Variants in VPS13D observed in about 807,000 individuals in gnomAD.
VPS13D encodes intermembrane lipid transfer protein VPS13D.
Under a neutral mutation model 461.9 loss-of-function variants are expected in VPS13D, and 187 were observed. The ratio of observed to expected loss-of-function variants is 0.40; its 90% CI spans 0.36 to 0.46. VPS13D has a LOEUF of 0.46. Among genes scored for constraint, VPS13D ranks in the 20% least tolerant of loss-of-function variants. The pLI, the probability that VPS13D is intolerant of heterozygous loss-of-function variation, is 0.60. For missense variants in VPS13D, 4,711 were observed against 5,364.9 expected, an observed-to-expected ratio of 0.88 and a Z score of 3.81; for synonymous variants, 1,951 against 1,986.3, an observed-to-expected ratio of 0.98 and a Z score of 0.47.
At position 12,258,401 on chromosome 1, in the gene VPS13D, G is replaced by T. The variant is rs184525034; in HGVS notation, c.1110+298G>T. Among the ~76,000 whole-genome samples, 131 of 152,268 alleles carry T rather than the reference G, an allele frequency of 8.6e-4. 3 individuals are homozygous for T. The East Asian group carries it at 0.016, about 19-fold the overall frequency. On this transcript the variant is annotated intron_variant, in intron 10 of 69. Coordinates refer to ENST00000620676, the MANE Select transcript of VPS13D (RefSeq NM_015378.4). ...AAGAGACTGTTTCATACAGTCACCC[G>T]CCTCTCTTCAAAGCCTGATCCCAGT... is the stretch of plus-strand genomic sequence containing the variant.
At position 12,282,968 on chromosome 1, in the gene VPS13D, T is replaced by C. The variant is rs993891809; in HGVS notation, c.4866T>C (p.Phe1622=). 2.5e-6 allele frequency: 4 copies of C among 1,614,070 alleles called. No homozygotes were observed. Among genetic ancestry groups the C allele is most frequent in the Non-Finnish European group, 2.5e-6 (3 of 1,180,030 alleles). Reference sequence around the variant, plus strand: ...CCTTTACTCAGATTCAAGCCACCTTTTGTATATCAGAGCTTCAGGTTCAGC... The same window carrying C: ...CCTTTACTCAGATTCAAGCCACCTTCTGTATATCAGAGCTTCAGGTTCAGC... ...VKSFTQIQAT[F]CISELQVQLS... is the part of the protein sequence containing the mutation. The change falls in exon 21 of 70, where the codon TTT becomes TTC. Residue 1622 remains phenylalanine, a synonymous_variant. Transcript: ENST00000620676.
rs536469629 is a variant in VPS13D, at chr1:12,498,362, GGT to G, written c.12794+734_12794+735del. Reference sequence around the variant, plus strand: ...AGCGTGGGGGATTCTGAGTGCTGTGGGTGTTTTTCGGTGGGTGGAGGAATGTC... The same window carrying G: ...AGCGTGGGGGATTCTGAGTGCTGTGGGTTTTTCGGTGGGTGGAGGAATGTC... On this transcript the variant is annotated intron_variant, in intron 68 of 69. Coordinates refer to ENST00000620676, the MANE Select transcript of VPS13D (RefSeq NM_015378.4). Among the ~76,000 whole-genome samples, 3 of 152,258 alleles carry G rather than the reference GGT, an allele frequency of 2.0e-5. No homozygotes were observed. In the South Asian group the frequency reaches 6.2e-4, roughly 32 times the overall value.
intron 21 of VPS13D, among the ~76,000 whole-genome samples, chr1:12,285,168 C>CA (rs1451977121): frequency 3.3e-5 from 5 of 152,130 alleles, no homozygotes; most frequent in Non-Finnish European, 7.4e-5. Context: ...TCAGATACAT[C>CA]ACAGAGAAAC....
intron 60 of VPS13D, among the ~76,000 whole-genome samples, chr1:12,394,593 T>C (rs1334284778): frequency 6.6e-6 from 1 of 152,204 alleles, no homozygotes; most frequent in Non-Finnish European, 1.5e-5. Flanking sequence ...AAGATGCAGG[T>C]GCTGCCCTTA....
Position 12,257,857 on chromosome 1 carries a change from A to G in VPS13D, c.942-78A>G, listed in dbSNP as rs1405394944. 5 of 1,524,760 alleles carry G rather than the reference A, an allele frequency of 3.3e-6. No homozygotes were observed. The African/African-American group carries it at 5.5e-5, about 17-fold the overall frequency. The allele number at this position is 1,524,760 out of a possible 1,614,324, so 94.5% of individuals were successfully genotyped here. On this transcript the variant is annotated intron_variant, in intron 9 of 69. Coordinates refer to ENST00000620676, the MANE Select transcript of VPS13D (RefSeq NM_015378.4). ...GATGTCTCAGGAGAGGAGTGGGGTTATGTGGATTGTCCTGGATTGGTAGCC... is the reference window on the plus strand; with the variant it reads ...GATGTCTCAGGAGAGGAGTGGGGTTGTGTGGATTGTCCTGGATTGGTAGCC...
At chr1:12,335,849 G>GT in intron 39 of VPS13D, 22 bp downstream of exon 39, 1 of 1,613,688 alleles carries the variant, frequency 6.2e-7, no homozygotes, top group Non-Finnish European at 8.5e-7. Context: ...CACTACATGT[G>GT]TTTAACTAAA....
chr1:12,271,231 G>C, intron 17 of VPS13D, 107 bp downstream of exon 17: 1 of 1,378,726 alleles, frequency 7.3e-7, no homozygotes, highest in Non-Finnish European at 1.0e-6. Context: ...CAATTATGCT[G>C]ACTGAGTAAA....
intron 65 of VPS13D, among the ~76,000 whole-genome samples, chr1:12,431,288 A>G (rs922447932): frequency 6.6e-6 from 1 of 152,092 alleles, no homozygotes; most frequent in African/African-American, 2.4e-5. Flanking sequence ...TCTTAACACA[A>G]TCGCTGATAT....
chr1:12,381,912 C>CTTTCTTTTCTTTTCT (rs200150692), intron 57 of VPS13D, among the ~76,000 whole-genome samples: 4 of 111,920 alleles, frequency 3.6e-5, no homozygotes, highest in Admixed American at 9.7e-5. Flanking sequence ...TTTTCTTTTT[C>CTTTCTTTTCTTTTCT]TTTCTTTTCT....
intron 63 of VPS13D, among the ~76,000 whole-genome samples, chr1:12,407,752 C>T (rs1570112207): frequency 6.6e-6 from 1 of 152,190 alleles, no homozygotes; most frequent in South Asian, 2.1e-4. Flanking sequence ...AGACCAAGCA[C>T]CTTAGTCATT....
chr1:12,250,699 A>C (rs1640706267), intron 6 of VPS13D, among the ~76,000 whole-genome samples: 1 of 152,256 alleles, frequency 6.6e-6, no homozygotes. Flanking sequence ...TAATAACCCT[A>C]CTGAGGACAC....
chr1:12,326,809 A>G (rs1056243321), intron 35 of VPS13D, among the ~76,000 whole-genome samples: 2 of 151,780 alleles, frequency 1.3e-5, no homozygotes, highest in African/African-American at 4.8e-5. Context: ...ACGCCCAGCT[A>G]ATTTTTGTTA....
At chr1:12,416,522 A>G in intron 64 of VPS13D, 138 bp from the exon 65 acceptor site, 1 of 894,900 alleles carries the variant, frequency 1.1e-6, no homozygotes, top group Non-Finnish European at 1.6e-6. Context: ...GATGAAGATT[A>G]AAAGCTTTTA....
chr1:12,354,403 A>G lies in VPS13D; in HGVS notation c.9679+182A>G, dbSNP rs187998379. On this transcript the variant is annotated intron_variant, in intron 47 of 69. Coordinates refer to ENST00000620676, the MANE Select transcript of VPS13D (RefSeq NM_015378.4). Reference sequence around the variant, plus strand: ...ACCTTTAGCTAGAGGTGGCGGCAGTACATGCCTGTAGTCCCAGCTTCTCAG... The same window carrying G: ...ACCTTTAGCTAGAGGTGGCGGCAGTGCATGCCTGTAGTCCCAGCTTCTCAG... 2.0e-5 allele frequency among the ~76,000 whole-genome samples: 3 copies of G among 152,268 alleles called. No homozygotes were observed. In the East Asian group the frequency reaches 5.8e-4, roughly 29 times the overall value.
intron 23 of VPS13D, among the ~76,000 whole-genome samples, chr1:12,293,049 T>C (rs1298449388): frequency 2.6e-5 from 4 of 152,262 alleles, no homozygotes; most frequent in Non-Finnish European, 4.4e-5. Flanking sequence ...TCTTCGACTA[T>C]AGATTCCAGA....
At chr1:12,351,666 A>G (rs1263104053) in intron 46 of VPS13D, among the ~76,000 whole-genome samples, 1 of 150,912 alleles carries the variant, frequency 6.6e-6, no homozygotes, top group Non-Finnish European at 1.5e-5. Context: ...ATCTTGGCTC[A>G]CTGCAGCCTC....
intron 64 of VPS13D, 123 bp downstream of exon 64, chr1:12,415,344 TG>T: frequency 7.6e-7 from 1 of 1,308,000 alleles, no homozygotes; most frequent in Non-Finnish European, 1.1e-6. Context: ...AACTCTGTTG[TG>T]TTACGGGTCA....
At chr1:12,340,130 T>C (rs1643536513) in intron 40 of VPS13D, among the ~76,000 whole-genome samples, 1 of 152,230 alleles carries the variant, frequency 6.6e-6, no homozygotes, top group Non-Finnish European at 1.5e-5. Context: ...ACTCCCCCTC[T>C]GCTCTTGTCA....
intron 32 of VPS13D, among the ~76,000 whole-genome samples, chr1:12,321,306 A>T (rs1314412191): frequency 6.6e-6 from 1 of 152,142 alleles, no homozygotes; most frequent in East Asian, 1.9e-4. Flanking sequence ...ATGATTTCTG[A>T]TAGGTTATTT....
Sources: gnomAD v4.1 joint callset for allele counts (sites outside exome capture counted in the v4.1 genomes callset) on GRCh38, gnomAD v4.1.1 for gene constraint, MANE v1.5 for transcripts, NCBI Gene and HGNC (gene_info 2026-07-23, HGNC 2026-07-21) for gene names.